Variants in SLC2A9 observed in about 807,000 individuals in gnomAD.
SLC2A9 encodes solute carrier family 2, facilitated glucose transporter member 9.
SLC2A9 carries 39 observed loss-of-function variants against 50.6 expected under a neutral mutation model. That is an observed-to-expected ratio of 0.77 (90% confidence interval 0.60 to 1.01). The LOEUF is 1.01. Ranked by LOEUF, SLC2A9 falls within the 50% of genes least tolerant of loss-of-function variation. The pLI is 0.00. For missense variants in SLC2A9, 686 were observed against 677.6 expected (o/e 1.01, Z -0.14); for synonymous variants, 324 against 276.9 (o/e 1.17, Z -1.69).
downstream of SLC2A9, among the ~76,000 whole-genome samples, chr4:9,794,192 A>G (rs188932005): frequency 2.0e-3 from 305 of 149,840 alleles, no homozygotes; most frequent in Middle Eastern, 3.5e-3. Flanking sequence ...CTTGTCTCCC[A>G]GGCTGGAGTG....
chr4:10,017,772 C>T (rs1274260477), intron 2 of SLC2A9, among the ~76,000 whole-genome samples: 2 of 152,264 alleles, frequency 1.3e-5, no homozygotes, highest in African/African-American at 2.4e-5. Flanking sequence ...TGGAGCTCCC[C>T]GCATTTCCCC....
chr4:9,811,967 C>T (rs1256804827), intron 3 of SLC2A9, among the ~76,000 whole-genome samples: 3 of 152,168 alleles, frequency 2.0e-5, no homozygotes, highest in African/African-American at 4.8e-5. Context: ...AGACAAGACA[C>T]GAGCCTGCTG....
chr4:10,000,354 T>C (rs1437939671), intron 2 of SLC2A9, among the ~76,000 whole-genome samples: 1 of 152,184 alleles, frequency 6.6e-6, no homozygotes, highest in Non-Finnish European at 1.5e-5. Flanking sequence ...GAGCTGATAA[T>C]GCATTGTATC....
chr4:9,840,166 G>C (rs908895248), intron 10 of SLC2A9, among the ~76,000 whole-genome samples: 1 of 152,120 alleles, frequency 6.6e-6, no homozygotes, highest in Non-Finnish European at 1.5e-5. Flanking sequence ...CACAGCATGA[G>C]TTTTAACTAC....
At chr4:9,872,307 C>A (rs1733570655) in intron 10 of SLC2A9, among the ~76,000 whole-genome samples, 1 of 152,124 alleles carries the variant, frequency 6.6e-6, no homozygotes, top group African/African-American at 2.4e-5. Flanking sequence ...ACCTCTGTGT[C>A]CTGGCCAGGA....
intron 3 of SLC2A9, among the ~76,000 whole-genome samples, chr4:9,800,947 G>C (rs1325100516): frequency 6.6e-6 from 1 of 152,108 alleles, no homozygotes; most frequent in Non-Finnish European, 1.5e-5. Flanking sequence ...ATGCAGTCAG[G>C]CGCAGTCCCT....
intron 6 of SLC2A9, among the ~76,000 whole-genome samples, chr4:9,926,430 C>T (rs1405549020): frequency 6.7e-6 from 1 of 149,934 alleles, no homozygotes; most frequent in African/African-American, 2.5e-5. Context: ...TTAATGTTTC[C>T]ATGCCTGAGT....
At chr4:9,801,353 T>C (rs372934462) in intron 3 of SLC2A9, among the ~76,000 whole-genome samples, 1 of 152,214 alleles carries the variant, frequency 6.6e-6, no homozygotes, top group East Asian at 1.9e-4. Flanking sequence ...TAAATACAAT[T>C]TGGGGGAGTG....
chr4:10,037,479 G>C (rs1300191297), intron 1 of SLC2A9, among the ~76,000 whole-genome samples: 1 of 152,054 alleles, frequency 6.6e-6, no homozygotes, highest in South Asian at 2.1e-4. Context: ...TTCCTCAGTT[G>C]CTCCTCCCAG....
chr4:9,827,040 A>C (rs1251404052), intron 11 of SLC2A9, among the ~76,000 whole-genome samples: 1 of 152,260 alleles, frequency 6.6e-6, no homozygotes, highest in African/African-American at 2.4e-5. Flanking sequence ...GAATAGGCCA[A>C]GGTAATGCCA....
intron 10 of SLC2A9, among the ~76,000 whole-genome samples, chr4:9,846,403 A>C (rs1729001405): frequency 6.6e-6 from 1 of 152,102 alleles, no homozygotes; most frequent in South Asian, 2.1e-4. Context: ...CCACCTGCTC[A>C]GGCATGTGCT....
At chr4:10,015,994 T>C (rs1323979958) in intron 2 of SLC2A9, among the ~76,000 whole-genome samples, 1 of 152,172 alleles carries the variant, frequency 6.6e-6, no homozygotes, top group African/African-American at 2.4e-5. Flanking sequence ...TCCCAGGCCG[T>C]GGATCTGGGC....
chr4:9,772,481 G>A (rs1267600182), intron 1 of SLC2A9, among the ~76,000 whole-genome samples: 7 of 152,296 alleles, frequency 4.6e-5, no homozygotes, highest in South Asian at 2.1e-4. Context: ...TGGTCTGACC[G>A]GAGGCTCTAA....
At chr4:9,947,145 G>A (rs1435947696) in intron 5 of SLC2A9, among the ~76,000 whole-genome samples, 11 of 152,178 alleles carry the variant, frequency 7.2e-5, no homozygotes, top group Non-Finnish European at 1.2e-4. Context: ...GAGGCTGTAC[G>A]TTGGGACTCT....
At chr4:10,012,434 A>T (rs752967599) in intron 2 of SLC2A9, among the ~76,000 whole-genome samples, 1 of 152,208 alleles carries the variant, frequency 6.6e-6, no homozygotes, top group Non-Finnish European at 1.5e-5. Context: ...AAATGCTTAC[A>T]ATGTGTCAGA....
At chr4:9,850,377 C>T (rs545812258) in intron 10 of SLC2A9, among the ~76,000 whole-genome samples, 7 of 152,250 alleles carry the variant, frequency 4.6e-5, no homozygotes, top group Non-Finnish European at 8.8e-5. Context: ...CCAGTGATGC[C>T]CATTCCCCAA....
At chr4:9,849,602 G>C (rs901916545) in intron 10 of SLC2A9, among the ~76,000 whole-genome samples, 1 of 152,228 alleles carries the variant, frequency 6.6e-6, no homozygotes, top group Admixed American at 6.5e-5. Flanking sequence ...GTCTGGGGGA[G>C]AGGATGTTTT....
rs1355633979 is a variant in SLC2A9 at position 10,039,443 on chromosome 4, G to A, written c.-41+687C>T. ...TCCAACAAAACCTGTAGTTTCCCAT[G>A]AAGTGAACACTTCTTTTCCCCCACC... On this transcript the variant is annotated intron_variant, in intron 1 of 12. Coordinates refer to the SLC2A9 transcript ENST00000309065. 2.6e-5 allele frequency among the ~76,000 whole-genome samples: 4 copies of A among 152,222 alleles called. No individual in the cohort carries two copies. In the East Asian group the frequency reaches 7.7e-4, roughly 29 times the overall value.
intron 8 of SLC2A9, among the ~76,000 whole-genome samples, chr4:9,903,134 G>A (rs910354918): frequency 3.3e-5 from 5 of 152,054 alleles, no homozygotes; most frequent in Non-Finnish European, 4.4e-5. Context: ...CTTTTACCAC[G>A]TTCTGCTCTC....
Sources: allele counts gnomAD v4.1 joint callset (sites outside exome capture counted in the v4.1 genomes callset), GRCh38; gene constraint gnomAD v4.1.1; transcripts MANE v1.5; gene names NCBI Gene and HGNC (gene_info 2026-07-23, HGNC 2026-07-21).